Variants in PLEKHG3 observed in about 807,000 individuals in gnomAD.
The protein encoded by PLEKHG3 is pleckstrin homology domain-containing family G member 3.
A neutral mutation model predicts 94.9 loss-of-function variants in PLEKHG3; 62 were observed. The observed-to-expected ratio is 0.65, with a 90% CI of 0.53 to 0.81. The LOEUF is 0.81. Among genes scored for constraint, PLEKHG3 ranks in the 30% least tolerant of loss-of-function variants. The pLI is 0.00. For missense variants in PLEKHG3, 1,461 were observed against 1,619.3 expected (o/e 0.90, Z 1.68); for synonymous variants, 614 against 654.0 (o/e 0.94, Z 0.93).
Position 64,716,103 on chromosome 14 carries a change from G to A in PLEKHG3, c.-40+11399G>A, listed in dbSNP as rs1478681256. ...CTCCTGAGGAAAGCGGTAGGTACCC[G>A]GCTGGGGCCAGGCCAGGGGATGGGA... On this transcript the variant is annotated intron_variant, in intron 1 of 16. Transcript: ENST00000247226. The surrounding 1 kb of genome is among the most constrained non-coding windows in gnomAD (Gnocchi z 5.0). 4.4e-6 allele frequency: 2 copies of A among 455,788 alleles called. No individual in the cohort carries two copies. The highest frequency in any genetic ancestry group is 1.6e-5 in the South Asian group (1 of 64,486). The allele number at this position is 455,788 out of a possible 1,614,324, so 28.2% of individuals were successfully genotyped here.
Position 64,731,872 on chromosome 14 carries a change from C to A in PLEKHG3, c.1125+66C>A. 1 of 1,162,368 alleles carries A rather than the reference C, an allele frequency of 8.6e-7. No homozygotes were observed. The allele number at this position is 1,162,368 out of a possible 1,614,324, so 72.0% of individuals were successfully genotyped here. A position where few individuals can be genotyped will look rare whatever the true frequency, so the allele number is the denominator to read the frequency against. Reference sequence around the variant, plus strand: ...CCCAGGGGACACCTGCGTGGGACTCCTGGCTCCTCTGCTCACCTAGCTGCC... The same window carrying A: ...CCCAGGGGACACCTGCGTGGGACTCATGGCTCCTCTGCTCACCTAGCTGCC... On this transcript the variant is annotated intron_variant, in intron 9 of 16. Coordinates refer to ENST00000247226, the MANE Select transcript of PLEKHG3 (RefSeq NM_001308147.2). The surrounding 1 kb of genome is among the most constrained non-coding windows in gnomAD (Gnocchi z 6.1).
rs1478230740 is a variant in PLEKHG3 at position 64,716,043 on chromosome 14, C to G, written c.-40+11339C>G. On this transcript the variant is annotated intron_variant, in intron 1 of 16. Transcript: ENST00000247226. This position sits in a 1 kb window ranked among gnomAD's most constrained non-coding sequence, Gnocchi z 5.0. Reference sequence around the variant, plus strand: ...TGCTGGGGACAATGCGGCTGCCCGGCCCCTCGCCACCCTCGTGGTGCCCGG... The same window carrying G: ...TGCTGGGGACAATGCGGCTGCCCGGGCCCTCGCCACCCTCGTGGTGCCCGG... The G allele has an allele frequency of 2.2e-6, 1 of 456,330 alleles. No homozygotes were observed. Among genetic ancestry groups the G allele is most frequent in the Non-Finnish European group, 4.4e-6 (1 of 226,772 alleles). The allele number at this position is 456,330 out of a possible 1,614,324, so 28.3% of individuals were successfully genotyped here.
chr14:64,738,197 C>G lies in PLEKHG3; in HGVS notation c.1405-545C>G. ...TCCACTGCTGGCACTATCGGGCCAA[C>G]GCTTTACTTTTCTCCCGGGGCGCTA... is the stretch of plus-strand genomic sequence containing the variant. On this transcript the variant is annotated intron_variant, in intron 14 of 16. Coordinates refer to ENST00000247226, the MANE Select transcript of PLEKHG3 (RefSeq NM_001308147.2). This position sits in a 1 kb window ranked among gnomAD's most constrained non-coding sequence, Gnocchi z 4.8. 7.8e-7 allele frequency: 1 copy of G among 1,289,632 alleles called. No homozygotes were observed. The allele number at this position is 1,289,632 out of a possible 1,614,324, so 79.9% of individuals were successfully genotyped here. A position where few individuals can be genotyped will look rare whatever the true frequency, so the allele number is the denominator to read the frequency against.
chr14:64,722,486 C>A lies in PLEKHG3; in HGVS notation c.-39-5107C>A, dbSNP rs576126962. Among the ~76,000 whole-genome samples the A allele has an allele frequency of 1.3e-5, 2 of 152,304 alleles. No individual in the cohort carries two copies. The highest frequency in any genetic ancestry group is 2.9e-5 in the Non-Finnish European group (2 of 68,028). On this transcript the variant is annotated intron_variant, in intron 1 of 16. Coordinates refer to ENST00000247226, the MANE Select transcript of PLEKHG3 (RefSeq NM_001308147.2). This position sits in a 1 kb window ranked among gnomAD's most constrained non-coding sequence, Gnocchi z 4.3. ...CCGCCCACCTCGGCCTCCCAAAGTG[C>A]TGGGATTACAGGCGTGAGCCACTGC...
intron 3 of PLEKHG3, among the ~76,000 whole-genome samples, chr14:64,729,789 G>A (rs529838527): frequency 6.6e-6 from 1 of 152,294 alleles, no homozygotes; most frequent in African/African-American, 2.4e-5. Context: ...GGGAAAAGAG[G>A]AGGAGCACAG....
rs766169704 is a variant in PLEKHG3 at position 64,722,732 on chromosome 14, C to G, written c.-39-4861C>G. ...TGAACCAGAATGTTTTCTGGGGAGTCTGGTGTGCCCACCAGAGGGTTCACC... is the reference window on the plus strand; with the variant it reads ...TGAACCAGAATGTTTTCTGGGGAGTGTGGTGTGCCCACCAGAGGGTTCACC... On this transcript the variant is annotated intron_variant, in intron 1 of 16. Coordinates refer to ENST00000247226, the MANE Select transcript of PLEKHG3 (RefSeq NM_001308147.2). The surrounding 1 kb of genome is among the most constrained non-coding windows in gnomAD (Gnocchi z 4.3). 5.3e-5 allele frequency among the ~76,000 whole-genome samples: 8 copies of G among 152,178 alleles called. No individual in the cohort carries two copies. Among genetic ancestry groups the G allele is most frequent in the Non-Finnish European group, 1.2e-4 (8 of 68,040 alleles).
In PLEKHG3 at chr14:64,730,593, C is replaced by G; in HGVS notation, c.520-49C>G. 2 of 1,499,002 alleles carry G rather than the reference C, an allele frequency of 1.3e-6. No individual in the cohort carries two copies. The highest frequency in any genetic ancestry group is 1.9e-6 in the Non-Finnish European group (2 of 1,075,794). The allele number at this position is 1,499,002 out of a possible 1,614,324, so 92.9% of individuals were successfully genotyped here. ...GGCCTATCTGCTACCACCATCTTTACTGTCAAATGAGAATCTCCCTGAAAT... is the reference window on the plus strand; with the variant it reads ...GGCCTATCTGCTACCACCATCTTTAGTGTCAAATGAGAATCTCCCTGAAAT... On this transcript the variant is annotated intron_variant, in intron 4 of 16. Coordinates refer to ENST00000247226, the MANE Select transcript of PLEKHG3 (RefSeq NM_001308147.2). This position sits in a 1 kb window ranked among gnomAD's most constrained non-coding sequence, Gnocchi z 5.4.
chr14:64,723,367 C>G lies in PLEKHG3; in HGVS notation c.-39-4226C>G, dbSNP rs1388853201. ...GCAGGAGGATCGCTTGAGGTCGAGG[C>G]TGCAATGAGCTGTGATTGCACCACT... On this transcript the variant is annotated intron_variant, in intron 1 of 16. Transcript: ENST00000247226. This position sits in a 1 kb window ranked among gnomAD's most constrained non-coding sequence, Gnocchi z 4.5. Among the ~76,000 whole-genome samples, 1 of 152,076 alleles carries G rather than the reference C, an allele frequency of 6.6e-6. No homozygotes were observed. The highest frequency in any genetic ancestry group is 2.1e-4 in the South Asian group (1 of 4,828).
intron 14 of PLEKHG3, chr14:64,737,777 G>A: frequency 1.5e-6 from 1 of 686,350 alleles, no homozygotes; most frequent in Non-Finnish European, 2.0e-6. Context: ...CTTTCTGTGT[G>A]AAGGCTCCCC....
rs987773667 is a variant in PLEKHG3 at position 64,728,992 on chromosome 14, G to T, written c.352-4G>T. ...CTAGGTTCTGACCACCTCCCTCCAC[G>T]CAGGACTACCTCTTGAAGATCATTG... On this transcript the variant is annotated splice_polypyrimidine_tract_variant and splice_region_variant and intron_variant, in intron 2 of 16. Coordinates refer to ENST00000247226, the MANE Select transcript of PLEKHG3 (RefSeq NM_001308147.2). The surrounding 1 kb of genome is among the most constrained non-coding windows in gnomAD (Gnocchi z 5.9). 3 of 1,406,366 alleles carry T rather than the reference G, an allele frequency of 2.1e-6. No homozygotes were observed. The highest frequency in any genetic ancestry group is 2.9e-6 in the Non-Finnish European group (3 of 1,029,376). 87.1% of individuals were successfully genotyped at this position (1,406,366 alleles called of 1,614,324 possible). A position where few individuals can be genotyped will look rare whatever the true frequency, so the allele number is the denominator to read the frequency against.
rs1191354486 is a variant in PLEKHG3, at chr14:64,731,264, T to C, written c.849+95T>C. The C allele has an allele frequency of 2.1e-6, 3 of 1,451,922 alleles. No homozygotes were observed. In the East Asian group the frequency reaches 6.8e-5, roughly 33 times the overall value. The allele number at this position is 1,451,922 out of a possible 1,614,324, so 89.9% of individuals were successfully genotyped here. On this transcript the variant is annotated intron_variant, in intron 7 of 16. Transcript: ENST00000247226. This position sits in a 1 kb window ranked among gnomAD's most constrained non-coding sequence, Gnocchi z 6.1. ...CTGTGGCCACCCTGCTGGGATGAGC[T>C]GGGCAGTGGCATTGGGGGAGCCTTT...
At chr14:64,733,048 G>T in intron 12 of PLEKHG3, 147 bp downstream of exon 12, 2 of 592,544 alleles carry the variant, frequency 3.4e-6, no homozygotes, top group East Asian at 2.9e-5. Context: ...CACACCTGGG[G>T]CTCATCCTCT....
rs139047964 is a variant in PLEKHG3, at chr14:64,727,960, A to G, written c.329A>G (p.Gln110Arg). The change falls in exon 2 of 17, where the codon CAG becomes CGG. Residue 110 changes from glutamine (Q) to arginine (R), a missense_variant. Gln to Arg is a conservative substitution (Grantham distance 43). Transcript: ENST00000247226. The surrounding 1 kb of genome is among the most constrained non-coding windows in gnomAD (Gnocchi z 6.0). ...GTGGAGACAGAGCGCATGTACGTAC[A>G]GGACCTGCGCAGCATCGTGGAGGTG... Reference protein sequence around the residue: ...EIVETERMYVQDLRSIVEDYL... With the variant: ...EIVETERMYVRDLRSIVEDYL... 6.3e-6 allele frequency: 10 copies of G among 1,589,960 alleles called. No homozygotes were observed. In the African/African-American group the frequency reaches 1.1e-4, roughly 17 times the overall value.
In PLEKHG3 at chr14:64,750,231, TA is replaced by T. The variant is rs1353241331; in HGVS notation, c.*6536del. 4.3e-5 allele frequency: 61 copies of T among 1,429,958 alleles called. No homozygotes were observed. The highest frequency in any genetic ancestry group is 9.3e-5 in the Admixed American group (4 of 42,986). The allele number at this position is 1,429,958 out of a possible 1,614,324, so 88.6% of individuals were successfully genotyped here. ...GAGTCAATTCCTATAGCTTCACCAT[TA>T]AAAAAAATTACACCATGTTTGTTCT... On this transcript the variant is annotated 3_prime_UTR_variant, in exon 17 of 17. Transcript: ENST00000247226.
Position 64,743,620 on chromosome 14 carries a change from T to G in PLEKHG3, c.3577T>G (p.Ser1193Ala). Residue 1193 changes from serine (S) to alanine (A), a missense_variant, in exon 17 of 17, where the codon TCC (serine) becomes GCC (alanine). Transcript: ENST00000247226. This position sits in a 1 kb window ranked among gnomAD's most constrained non-coding sequence, Gnocchi z 7.2. ...AGAGTGCCAGCCGAAGGAAGAGGGT[T>G]CCAGGGACCCGGCAGACCCGAGCCA... ...SAECQPKEEG[S>A]RDPADPSQQG... is the part of the protein sequence containing the mutation. 6.2e-7 allele frequency: 1 copy of G among 1,612,544 alleles called. No individual in the cohort carries two copies. Among genetic ancestry groups the G allele is most frequent in the Non-Finnish European group, 8.5e-7 (1 of 1,179,876 alleles).
rs61742295 is a variant in PLEKHG3, at chr14:64,731,073, C to A, written c.753C>A (p.Gly251=). 24,982 of 1,613,846 alleles carry A rather than the reference C, an allele frequency of 0.015. 463 individuals are homozygous for A. Among genetic ancestry groups the A allele is most frequent in the African/African-American group, 0.068 (5,083 of 75,000 alleles). ...IAKHFDEEED[G]FEVVEDAIDT... is the part of the protein sequence containing the mutation. ...AGCATTTTGATGAAGAAGAGGATGGCTTTGAGGTGGTGGAGGATGCCATTG... is the reference window on the plus strand; with the variant it reads ...AGCATTTTGATGAAGAAGAGGATGGATTTGAGGTGGTGGAGGATGCCATTG... Residue 251 remains glycine (G), a synonymous_variant, in exon 7 of 17, where the codon GGC becomes GGA. Transcript: ENST00000247226. The surrounding 1 kb of genome is among the most constrained non-coding windows in gnomAD (Gnocchi z 6.1).
Position 64,738,014 on chromosome 14 carries a change from C to A in PLEKHG3, c.1404+639C>A. ...AGGAGGAGGAGGAGGAAGAGCAGGCCTTTCAGGTCTCTCTGGAGGACCTGA... is the reference window on the plus strand; with the variant it reads ...AGGAGGAGGAGGAGGAAGAGCAGGCATTTCAGGTCTCTCTGGAGGACCTGA... On this transcript the variant is annotated intron_variant, in intron 14 of 16. Coordinates refer to ENST00000247226, the MANE Select transcript of PLEKHG3 (RefSeq NM_001308147.2). The surrounding 1 kb of genome is among the most constrained non-coding windows in gnomAD (Gnocchi z 4.8). The A allele has an allele frequency of 7.9e-7, 1 of 1,272,460 alleles. No individual in the cohort carries two copies. Among genetic ancestry groups the A allele is most frequent in the South Asian group, 1.3e-5 (1 of 78,942 alleles). The allele number at this position is 1,272,460 out of a possible 1,614,324, so 78.8% of individuals were successfully genotyped here. A position where few individuals can be genotyped will look rare whatever the true frequency, so the allele number is the denominator to read the frequency against.
intron 1 of PLEKHG3, among the ~76,000 whole-genome samples, chr14:64,713,304 C>G (rs1364972301): frequency 1.3e-5 from 2 of 152,004 alleles, no homozygotes; most frequent in East Asian, 3.8e-4. Flanking sequence ...TAATACTGGC[C>G]TCATAGAATG....
At position 64,716,458 on chromosome 14, in the gene PLEKHG3, ACACACACAAC is replaced by A. The variant is rs1191786007; in HGVS notation, c.-39-11134_-39-11125del. On this transcript the variant is annotated intron_variant, in intron 1 of 16. Transcript: ENST00000247226. This position sits in a 1 kb window ranked among gnomAD's most constrained non-coding sequence, Gnocchi z 5.0. ...CCTACACACACACACACACACACAC[ACACACACAAC>A]ACACACACACACAACACACACACAC... Among the ~76,000 whole-genome samples the A allele has an allele frequency of 7.7e-5, 10 of 129,236 alleles. No homozygotes were observed. The highest frequency in any genetic ancestry group is 3.1e-4 in the African/African-American group (10 of 32,168). 84.8% of individuals were successfully genotyped at this position (129,236 alleles called of 152,430 possible).
Sources: gnomAD v4.1 joint callset for allele counts (sites outside exome capture counted in the v4.1 genomes callset) on GRCh38, gnomAD v4.1.1 for gene constraint, Gnocchi (gnomAD v3.1) non-coding constraint, MANE v1.5 for transcripts, NCBI Gene and HGNC (gene_info 2026-07-23, HGNC 2026-07-21) for gene names.